CNTN5: variants seen among roughly 807,000 people sequenced by gnomAD.
CNTN5 encodes the protein contactin-5.
Under a neutral mutation model 129.1 loss-of-function variants are expected in CNTN5, and 77 were observed. The observed-to-expected ratio is 0.60, with a 90% CI of 0.50 to 0.72. The LOEUF is 0.72. CNTN5 is among the 30% of genes least tolerant of loss of function. The pLI, the probability that CNTN5 is intolerant of heterozygous loss-of-function variation, is 0.00. For missense variants in CNTN5, 1,478 were observed against 1,328.8 expected, an observed-to-expected ratio of 1.11 and a Z score of -1.75; for synonymous variants, 509 against 465.6, an observed-to-expected ratio of 1.09 and a Z score of -1.20.
In CNTN5 at chr11:100,046,889, C is replaced by G. The variant is rs770200984; in HGVS notation, c.981-14323C>G. ...AAAAACAGTGAAGTTAACCATTATC[C>G]TAGTGTTTTTCCAGGAATTTTTTTT... On this transcript the variant is annotated intron_variant, in intron 9 of 24. Transcript: ENST00000524871. 4.0e-5 allele frequency among the ~76,000 whole-genome samples: 6 copies of G among 151,462 alleles called. No individual in the cohort carries two copies. The Admixed American group carries it at 4.0e-4, about 10-fold the overall frequency.
intron 1 of CNTN5, among the ~76,000 whole-genome samples, chr11:99,077,697 T>C (rs569128255): frequency 2.0e-5 from 3 of 152,300 alleles, no homozygotes; most frequent in Non-Finnish European, 4.4e-5. Context: ...TGGAAGTAAT[T>C]GACCCAGGAG....
intron 3 of CNTN5, among the ~76,000 whole-genome samples, chr11:99,705,576 G>T (rs535596312): frequency 2.0e-5 from 3 of 151,344 alleles, no homozygotes; most frequent in South Asian, 2.1e-4. Context: ...TTTTACTTTT[G>T]TCAGGTTTGC....
At chr11:99,591,779 C>A (rs1949989771) in intron 3 of CNTN5, among the ~76,000 whole-genome samples, 1 of 151,998 alleles carries the variant, frequency 6.6e-6, no homozygotes. Context: ...TAAGAGAAGG[C>A]AGGAAAGGGG....
intron 6 of CNTN5, among the ~76,000 whole-genome samples, chr11:99,904,380 G>A (rs11221834): frequency 0.32 from 48,687 of 151,582 alleles, 8,533 homozygotes; most frequent in Non-Finnish European, 0.4. Context: ...TTACGAGTGA[G>A]AACCTGTGGT....
At chr11:99,082,334 G>C (rs781143852) in intron 1 of CNTN5, among the ~76,000 whole-genome samples, 1 of 152,038 alleles carries the variant, frequency 6.6e-6, no homozygotes, top group African/African-American at 2.4e-5. Flanking sequence ...ACAGGCGCAT[G>C]CCACCATGCC....
chr11:99,956,094 T>C (rs1950795886), intron 7 of CNTN5, among the ~76,000 whole-genome samples: 1 of 152,166 alleles, frequency 6.6e-6, no homozygotes, highest in Non-Finnish European at 1.5e-5. Context: ...AACAGAAATG[T>C]TACTTTTCAT....
intron 16 of CNTN5, among the ~76,000 whole-genome samples, chr11:100,231,476 T>C (rs1399323496): frequency 1.3e-5 from 2 of 152,184 alleles, no homozygotes; most frequent in Admixed American, 6.5e-5. Context: ...AGATTGCCAA[T>C]TGCAATGCTT....
intron 1 of CNTN5, among the ~76,000 whole-genome samples, chr11:99,193,655 CT>C (rs1203681128): frequency 2.6e-5 from 4 of 152,178 alleles, no homozygotes; most frequent in African/African-American, 9.6e-5. Flanking sequence ...GGTATTGGGA[CT>C]TTTCGCACTC....
chr11:99,048,099 TC>T (rs771045621), intron 1 of CNTN5, among the ~76,000 whole-genome samples: 6 of 152,054 alleles, frequency 3.9e-5, no homozygotes, highest in Non-Finnish European at 8.8e-5. Flanking sequence ...AATCATGGCA[TC>T]CTATTTAAAG....
chr11:99,131,971 C>T (rs1268368858), intron 1 of CNTN5, among the ~76,000 whole-genome samples: 1 of 152,154 alleles, frequency 6.6e-6, no homozygotes, highest in African/African-American at 2.4e-5. Context: ...AGGCCGACAT[C>T]CCTGATGAAC....
chr11:100,156,870 A>G (rs1365614584), intron 13 of CNTN5, among the ~76,000 whole-genome samples: 1 of 151,596 alleles, frequency 6.6e-6, no homozygotes, highest in Non-Finnish European at 1.5e-5. Flanking sequence ...TAGTGTGTCT[A>G]TTTGATTCTT....
chr11:99,283,278 T>C (rs753671150), intron 1 of CNTN5, among the ~76,000 whole-genome samples: 3 of 152,078 alleles, frequency 2.0e-5, no homozygotes, highest in Non-Finnish European at 2.9e-5. Context: ...AAAAGAAAGG[T>C]TTACACTTCT....
intron 3 of CNTN5, among the ~76,000 whole-genome samples, chr11:99,618,366 G>T (rs1428096276): frequency 6.6e-6 from 1 of 152,076 alleles, no homozygotes; most frequent in Non-Finnish European, 1.5e-5. Context: ...CTTTCAACTG[G>T]GCAATGATTT....
intron 3 of CNTN5, among the ~76,000 whole-genome samples, chr11:99,607,167 C>G (rs1028796202): frequency 2.0e-5 from 2 of 98,944 alleles, no homozygotes; most frequent in Non-Finnish European, 4.3e-5. Flanking sequence ...AGGCAACCTA[C>G]AACATGGGAG....
chr11:100,224,673 C>T lies in CNTN5; in HGVS notation c.1885-19C>T, dbSNP rs754194415. On this transcript the variant is annotated intron_variant, in intron 15 of 24. Transcript: ENST00000524871. ...GCAGATTTGCAACATTTTAAACTGGCACTTCATCCCTCTTTCAGCAAGCAT... is the reference window on the plus strand; with the variant it reads ...GCAGATTTGCAACATTTTAAACTGGTACTTCATCCCTCTTTCAGCAAGCAT... 2 of 1,602,552 alleles carry T rather than the reference C, an allele frequency of 1.2e-6. No homozygotes were observed. The highest frequency in any genetic ancestry group is 2.2e-5 in the East Asian group (1 of 44,792).
chr11:99,082,856 T>C (rs893616750), intron 1 of CNTN5, among the ~76,000 whole-genome samples: 8 of 152,166 alleles, frequency 5.3e-5, no homozygotes, highest in African/African-American at 1.7e-4. Context: ...ATAGCTACAT[T>C]ATGACTTGGT....
intron 1 of CNTN5, among the ~76,000 whole-genome samples, chr11:99,255,768 A>G (rs1005959056): frequency 6.6e-6 from 1 of 151,382 alleles, no homozygotes; most frequent in Non-Finnish European, 1.5e-5. Context: ...TATATTTTAT[A>G]TATACACACA....
chr11:99,206,252 G>C (rs927391727), intron 1 of CNTN5, among the ~76,000 whole-genome samples: 15 of 152,052 alleles, frequency 9.9e-5, no homozygotes, highest in Non-Finnish European at 1.8e-4. Context: ...TAGGAACTTT[G>C]TACAAGTGGG....
chr11:100,275,230 TTAAACA>T (rs1308616233), intron 18 of CNTN5, among the ~76,000 whole-genome samples: 2 of 152,242 alleles, frequency 1.3e-5, no homozygotes, highest in Non-Finnish European at 2.9e-5. Flanking sequence ...GAATTTTAAA[TTAAACA>T]TTAATTGCCT....
Sources: allele counts gnomAD v4.1 joint callset (sites outside exome capture counted in the v4.1 genomes callset), GRCh38; gene constraint gnomAD v4.1.1; transcripts MANE v1.5; gene names NCBI Gene and HGNC (gene_info 2026-07-23, HGNC 2026-07-21).